Variants in SDCCAG8 observed in about 807,000 individuals in gnomAD.
SDCCAG8 encodes SHH signaling and ciliogenesis regulator SDCCAG8, also known as serologically defined colon cancer antigen 8.
Under a neutral mutation model 101.8 loss-of-function variants are expected in SDCCAG8, and 74 were observed. The observed-to-expected ratio is 0.73, with a 90% CI of 0.60 to 0.88. The LOEUF (loss-of-function observed/expected upper bound fraction) is 0.88. Among genes scored for constraint, SDCCAG8 ranks in the 40% least tolerant of loss-of-function variants. SDCCAG8 has a pLI of 0.00. For missense variants in SDCCAG8, 787 were observed against 822.6 expected (o/e 0.96, Z 0.53); for synonymous variants, 281 against 292.9 (o/e 0.96, Z 0.41).
chr1:243,388,612 G>A (rs916200210), intron 13 of SDCCAG8, among the ~76,000 whole-genome samples: 1 of 151,032 alleles, frequency 6.6e-6, no homozygotes, highest in Non-Finnish European at 1.5e-5. Context: ...TGTAATCCCA[G>A]CACCTTGGGA....
intron 13 of SDCCAG8, among the ~76,000 whole-genome samples, chr1:243,395,910 T>C (rs974299696): frequency 1.3e-5 from 2 of 152,096 alleles, no homozygotes; most frequent in African/African-American, 4.8e-5. Flanking sequence ...TTTTACAGAC[T>C]TGATTGATTT....
At chr1:243,476,346 T>G (rs1662411934) in intron 16 of SDCCAG8, 1 of 985,306 alleles carries the variant, frequency 1.0e-6, no homozygotes. Context: ...TAAAACCTAA[T>G]TAAGATGTGT....
intron 16 of SDCCAG8, among the ~76,000 whole-genome samples, chr1:243,449,557 C>A (rs1373658262): frequency 6.6e-6 from 1 of 152,212 alleles, no homozygotes; most frequent in East Asian, 1.9e-4. Flanking sequence ...CTTGGAAACA[C>A]ATTATCATTT....
chr1:243,261,772 C>A (rs2067207091), intron 1 of SDCCAG8, among the ~76,000 whole-genome samples: 1 of 152,004 alleles, frequency 6.6e-6, no homozygotes, highest in South Asian at 2.1e-4. Context: ...AATATACACA[C>A]ATAAACATGA....
intron 6 of SDCCAG8, among the ~76,000 whole-genome samples, chr1:243,298,641 A>T (rs938385100): frequency 6.6e-6 from 1 of 151,990 alleles, no homozygotes; most frequent in Non-Finnish European, 1.5e-5. Flanking sequence ...TTGCATTTAG[A>T]TCTACAACCT....
chr1:243,376,925 T>C (rs1056168328), intron 12 of SDCCAG8, among the ~76,000 whole-genome samples: 1 of 152,204 alleles, frequency 6.6e-6, no homozygotes, highest in Non-Finnish European at 1.5e-5. Context: ...GTTATTAATC[T>C]ACAATTAAAG....
intron 13 of SDCCAG8, among the ~76,000 whole-genome samples, chr1:243,411,047 C>T (rs2080135153): frequency 6.6e-6 from 1 of 152,190 alleles, no homozygotes; most frequent in African/African-American, 2.4e-5. Flanking sequence ...ATGTGAATAA[C>T]TTGGAGAATA....
rs550886506 is a variant in SDCCAG8, at chr1:243,397,811, A to G, written c.1617-17891A>G. On this transcript the variant is annotated intron_variant, in intron 13 of 17. Transcript: ENST00000366541. ...CCTGCAAACCCAAGTACAATTTACA[A>G]AAGGAACAGTACGCATACAGTGGAG... Among the ~76,000 whole-genome samples the G allele has an allele frequency of 9.8e-5, 15 of 152,366 alleles. No individual in the cohort carries two copies. In the East Asian group the frequency reaches 2.1e-3, roughly 22 times the overall value.
intron 16 of SDCCAG8, among the ~76,000 whole-genome samples, chr1:243,484,914 C>A (rs139302348): frequency 6.6e-6 from 1 of 151,962 alleles, no homozygotes; most frequent in Non-Finnish European, 1.5e-5. Context: ...TGTGGTGGTG[C>A]GCGCCTATAG....
chr1:243,448,434 C>T (rs527375509), intron 16 of SDCCAG8, among the ~76,000 whole-genome samples: 1 of 152,298 alleles, frequency 6.6e-6, no homozygotes, highest in African/African-American at 2.4e-5. Context: ...ACTCTACATA[C>T]ATACATTCTT....
chr1:243,364,388 G>A (rs1192012258), intron 12 of SDCCAG8, among the ~76,000 whole-genome samples: 1 of 152,160 alleles, frequency 6.6e-6, no homozygotes, highest in East Asian at 1.9e-4. Context: ...AGGTGAGAAT[G>A]CTTTAGGTAT....
chr1:243,395,318 T>C (rs1264198961), intron 13 of SDCCAG8, among the ~76,000 whole-genome samples: 1 of 152,190 alleles, frequency 6.6e-6, no homozygotes, highest in African/African-American at 2.4e-5. Flanking sequence ...ATTACCAGGA[T>C]TGTTTCACTG....
chr1:243,350,510 G>A (rs1050499984), intron 12 of SDCCAG8, among the ~76,000 whole-genome samples: 25 of 152,040 alleles, frequency 1.6e-4, no homozygotes, highest in African/African-American at 5.3e-4. Flanking sequence ...GAGCCACTGC[G>A]CCCGGCCTAT....
At position 243,499,590 on chromosome 1, in the gene SDCCAG8, A is replaced by G. The variant is rs142572046; in HGVS notation, c.2113-166A>G. The G allele has an allele frequency of 1.2e-3, 789 of 677,058 alleles. 5 individuals carry two copies. In the African/African-American group the frequency reaches 0.013, roughly 11 times the overall value. The allele number at this position is 677,058 out of a possible 1,614,324, so 41.9% of individuals were successfully genotyped here. A position where few individuals can be genotyped will look rare whatever the true frequency, so the allele number is the denominator to read the frequency against. On this transcript the variant is annotated intron_variant, in intron 17 of 17. Transcript: ENST00000366541. Reference sequence around the variant, plus strand: ...TCATATGTGAAGGGCTTTGATGTGGACAAGATGAGGCACAAACTTTTCATA... The same window carrying G: ...TCATATGTGAAGGGCTTTGATGTGGGCAAGATGAGGCACAAACTTTTCATA...
chr1:243,313,711 A>T (rs1558278949), intron 8 of SDCCAG8, among the ~76,000 whole-genome samples: 1 of 152,200 alleles, frequency 6.6e-6, no homozygotes, highest in Non-Finnish European at 1.5e-5. Context: ...TTTCACTCTC[A>T]CATTGATATG....
chr1:243,434,841 G>A (rs1347874205), intron 16 of SDCCAG8, among the ~76,000 whole-genome samples: 1 of 152,158 alleles, frequency 6.6e-6, no homozygotes, highest in Non-Finnish European at 1.5e-5. Flanking sequence ...TGGATAATGA[G>A]TTATTTAAAG....
intron 13 of SDCCAG8, among the ~76,000 whole-genome samples, chr1:243,413,524 T>G (rs2080335099): frequency 6.6e-6 from 1 of 152,134 alleles, no homozygotes; most frequent in African/African-American, 2.4e-5. Flanking sequence ...ATTTAGAATA[T>G]CAGTAATTAG....
chr1:243,452,823 C>T (rs1225982837), intron 16 of SDCCAG8, among the ~76,000 whole-genome samples: 1 of 152,152 alleles, frequency 6.6e-6, no homozygotes, highest in East Asian at 1.9e-4. Context: ...TTCTGAGAAG[C>T]AGATCCAATT....
At chr1:243,298,877 G>C (rs1483379670) in intron 6 of SDCCAG8, among the ~76,000 whole-genome samples, 7 of 152,174 alleles carry the variant, frequency 4.6e-5, no homozygotes, top group Non-Finnish European at 8.8e-5. Flanking sequence ...GGCAGACCAA[G>C]TCTTCCAACA....
Sources: gnomAD v4.1 joint callset for allele counts (sites outside exome capture counted in the v4.1 genomes callset) on GRCh38, gnomAD v4.1.1 for gene constraint, MANE v1.5 for transcripts, NCBI Gene and HGNC (gene_info 2026-07-23, HGNC 2026-07-21) for gene names.